Variants in XRCC6 observed in about 807,000 individuals in gnomAD.
XRCC6 encodes X-ray repair cross complementing 6.
XRCC6 carries 5 observed loss-of-function variants against 65.7 expected under a neutral mutation model. The observed-to-expected ratio is 0.08, with a 90% CI of 0.04 to 0.16. XRCC6 has a LOEUF of 0.16. XRCC6 is among the 10% of genes least tolerant of loss of function. The pLI, the probability that XRCC6 is intolerant of heterozygous loss-of-function variation, is 1.00. For synonymous variants in XRCC6, 270 were observed against 270.6 expected, an observed-to-expected ratio of 1.00 and a Z score of 0.02; for missense variants, 447 against 738.1, an observed-to-expected ratio of 0.61 and a Z score of 4.57.
In XRCC6 at chr22:41,661,256, A is replaced by G. The variant is rs557385617; in HGVS notation, c.1523-75A>G. ...TTAGGTGCTCTCTCTTCTGGTTCTC[A>G]GAGAGTTCTGGAAGTGGACAGCAAG... On this transcript the variant is annotated intron_variant, in intron 11 of 12. Transcript: ENST00000360079. The G allele has an allele frequency of 9.1e-5, 119 of 1,305,528 alleles. 3 individuals carry two copies. Among genetic ancestry groups the G allele is most frequent in the South Asian group, 8.9e-4 (69 of 77,602 alleles). The allele number at this position is 1,305,528 out of a possible 1,614,324, so 80.9% of individuals were successfully genotyped here. A position where few individuals can be genotyped will look rare whatever the true frequency, so the allele number is the denominator to read the frequency against.
chr22:41,657,166 T>C, intron 10 of XRCC6, 134 bp downstream of exon 10: 2 of 1,170,506 alleles, frequency 1.7e-6, no homozygotes, highest in Middle Eastern at 2.1e-4. Flanking sequence ...ATTAATAGTT[T>C]TTTGAAAGCC....
intron 12 of XRCC6, among the ~76,000 whole-genome samples, chr22:41,662,030 C>A (rs560789808): frequency 3.9e-5 from 6 of 152,120 alleles, no homozygotes; most frequent in African/African-American, 7.2e-5. Flanking sequence ...AACAATTGAA[C>A]TCATGGAGAG....
chr22:41,647,096 C>G lies in XRCC6; in HGVS notation c.960+14C>G, dbSNP rs746959911. The stretch of plus-strand genomic sequence containing the variant: ...AAGAGGTCTCAGGTAGGTAGAGATG[C>G]CTTTTGTTGTTGTTGTTTTTGAGAC... On this transcript the variant is annotated intron_variant, in intron 7 of 12. Transcript: ENST00000360079. 1.3e-5 allele frequency: 21 copies of G among 1,610,880 alleles called. No individual in the cohort carries two copies. The highest frequency in any genetic ancestry group is 2.7e-5 in the African/African-American group (2 of 74,620).
chr22:41,638,758 CA>C (rs888951610), intron 6 of XRCC6, among the ~76,000 whole-genome samples: 1 of 94,368 alleles, frequency 1.1e-5, no homozygotes, highest in Admixed American at 1.6e-4. Context: ...AGCCTGGTGA[CA>C]AAGTGAGACT....
intron 8 of XRCC6, among the ~76,000 whole-genome samples, chr22:41,652,571 G>A (rs947842487): frequency 4.6e-5 from 7 of 152,040 alleles, no homozygotes; most frequent in African/African-American, 1.7e-4. Flanking sequence ...TTGCTATGTT[G>A]GGCAGGCTGG....
At chr22:41,636,483 T>A (rs775191167) in intron 4 of XRCC6, 33 bp from the exon 5 acceptor site, 2 of 1,607,642 alleles carry the variant, frequency 1.2e-6, no homozygotes, top group Non-Finnish European at 1.7e-6. Context: ...TCTTCTGATT[T>A]TTCTTTCCAT....
intron 10 of XRCC6, among the ~76,000 whole-genome samples, chr22:41,657,660 T>C (rs957550147): frequency 6.6e-6 from 1 of 150,608 alleles, no homozygotes; most frequent in Non-Finnish European, 1.5e-5. Context: ...GCTGGGACCA[T>C]ACCCTTGCAC....
intron 2 of XRCC6, among the ~76,000 whole-genome samples, chr22:41,627,061 C>T (rs1225747500): frequency 6.6e-6 from 1 of 152,186 alleles, no homozygotes; most frequent in Non-Finnish European, 1.5e-5. Flanking sequence ...CAGGCATGAG[C>T]CACTGTGCCC....
At chr22:41,622,319 C>A (rs1442819794) in intron 2 of XRCC6, among the ~76,000 whole-genome samples, 1 of 152,060 alleles carries the variant, frequency 6.6e-6, no homozygotes, top group Non-Finnish European at 1.5e-5. Context: ...TCTTTTGGTC[C>A]CTGATAAATG....
chr22:41,653,755 T>C (rs2068021756), intron 9 of XRCC6, 65 bp downstream of exon 9: 1 of 1,545,262 alleles, frequency 6.5e-7, no homozygotes, highest in Non-Finnish European at 8.8e-7. Flanking sequence ...ATCCATGGAC[T>C]CCTAATGCAG....
At chr22:41,641,263 T>G (rs1044827745) in intron 6 of XRCC6, among the ~76,000 whole-genome samples, 2 of 151,842 alleles carry the variant, frequency 1.3e-5, no homozygotes, top group African/African-American at 2.4e-5. Context: ...TATTGAGAAC[T>G]AACAATGCCT....
At chr22:41,648,022 CT>C (rs2067952763) in intron 7 of XRCC6, 1 of 19,570 alleles carries the variant, frequency 5.1e-5, no homozygotes, top group African/African-American at 4.7e-4. Context: ...CTCCGACTCC[CT>C]CCCCTCCCCT....
At chr22:41,624,309 A>AC (rs201264801) in intron 2 of XRCC6, among the ~76,000 whole-genome samples, 1,579 of 152,074 alleles carry the variant, frequency 0.01, 27 homozygotes, top group African/African-American at 0.037. Flanking sequence ...AATTGCTTGA[A>AC]CCGGGGAGGC....
chr22:41,626,442 A>G (rs369837180), intron 2 of XRCC6, among the ~76,000 whole-genome samples: 3 of 151,850 alleles, frequency 2.0e-5, no homozygotes, highest in African/African-American at 7.2e-5. Context: ...TGCCCAGCCA[A>G]AATAATTTTT....
chr22:41,652,448 C>T (rs1416827525), intron 8 of XRCC6, among the ~76,000 whole-genome samples: 3 of 151,480 alleles, frequency 2.0e-5, no homozygotes, highest in African/African-American at 4.9e-5. Context: ...TCACTGCAGT[C>T]TCAAGCTCCC....
intron 8 of XRCC6, among the ~76,000 whole-genome samples, chr22:41,651,840 G>A (rs573096977): frequency 6.7e-6 from 1 of 150,368 alleles, no homozygotes; most frequent in South Asian, 2.1e-4. Context: ...CTGGAGTGAA[G>A]TGGCGCAATC....
intron 3 of XRCC6, among the ~76,000 whole-genome samples, chr22:41,635,540 C>T (rs1407812350): frequency 1.3e-5 from 2 of 152,082 alleles, no homozygotes; most frequent in Non-Finnish European, 2.9e-5. Context: ...CCCTCTGATA[C>T]TTCTTTTCCT....
At chr22:41,642,754 G>A (rs1164750190) in intron 6 of XRCC6, among the ~76,000 whole-genome samples, 1 of 152,194 alleles carries the variant, frequency 6.6e-6, no homozygotes, top group Non-Finnish European at 1.5e-5. Context: ...TTTGAAGATT[G>A]TGCAGTTTTG....
At chr22:41,629,815 A>G (rs1056949021) in intron 3 of XRCC6, among the ~76,000 whole-genome samples, 2 of 151,898 alleles carry the variant, frequency 1.3e-5, no homozygotes, top group Non-Finnish European at 2.9e-5. Flanking sequence ...GACTACAGGC[A>G]CCTGCCACCA....
Sources: gnomAD v4.1 joint callset for allele counts (sites outside exome capture counted in the v4.1 genomes callset) on GRCh38, gnomAD v4.1.1 for gene constraint, MANE v1.5 for transcripts, NCBI Gene and HGNC (gene_info 2026-07-23, HGNC 2026-07-21) for gene names.